The following PDE8B variants were observed in gnomAD, a reference collection of about 807,000 sequenced individuals.
PDE8B encodes the protein high affinity cAMP-specific and IBMX-insensitive 3',5'-cyclic phosphodiesterase 8B.
PDE8B carries 26 observed loss-of-function variants against 101.3 expected under a neutral mutation model. That is an observed-to-expected ratio of 0.26 (90% CI 0.19 to 0.36). PDE8B has a LOEUF of 0.36. Among genes scored for constraint, PDE8B ranks in the 10% least tolerant of loss-of-function variants. The pLI is 1.00. For missense variants in PDE8B, 810 were observed against 1,163.1 expected, an observed-to-expected ratio of 0.70 and a Z score of 4.42; for synonymous variants, 424 against 429.3, an observed-to-expected ratio of 0.99 and a Z score of 0.15.
the PDE8B span, among the ~76,000 whole-genome samples, chr5:77,199,139 T>G: frequency 0.03 from 4,634 of 152,264 alleles, 252 homozygotes; most frequent in African/African-American, 0.1. Context: ...TTCTTAAAAG[T>G]GAGAATTACT....
intron 6 of PDE8B, among the ~76,000 whole-genome samples, chr5:77,339,517 G>A (rs1271741547): frequency 6.6e-6 from 1 of 152,014 alleles, no homozygotes; most frequent in Non-Finnish European, 1.5e-5. Context: ...CAGCAGATAG[G>A]GGCAGTGACT....
intron 2 of PDE8B, among the ~76,000 whole-genome samples, chr5:77,324,585 C>T (rs986290191): frequency 2.6e-5 from 4 of 152,308 alleles, no homozygotes; most frequent in Non-Finnish European, 5.9e-5. Context: ...CTCAATGAGG[C>T]AGTTCATCAA....
intron 10 of PDE8B, among the ~76,000 whole-genome samples, chr5:77,383,394 C>T (rs1787905859): frequency 1.3e-5 from 2 of 152,152 alleles, no homozygotes; most frequent in Admixed American, 1.3e-4. Context: ...GTTGCCTGTT[C>T]ACTCTGATGG....
At chr5:77,398,687 G>T (rs573671663) in intron 10 of PDE8B, among the ~76,000 whole-genome samples, 3 of 152,338 alleles carry the variant, frequency 2.0e-5, no homozygotes, top group Admixed American at 6.5e-5. Context: ...TACCGCACTG[G>T]CTGCCTGCTG....
At chr5:77,354,095 T>G (rs1581202161) in intron 10 of PDE8B, among the ~76,000 whole-genome samples, 1 of 152,234 alleles carries the variant, frequency 6.6e-6, no homozygotes, top group African/African-American at 2.4e-5. Context: ...ATGAGGATTT[T>G]AAAGAGGGAC....
the PDE8B span, among the ~76,000 whole-genome samples, chr5:77,185,277 A>C: frequency 6.6e-6 from 1 of 152,180 alleles, no homozygotes; most frequent in African/African-American, 2.4e-5. Context: ...ACCGAGATTG[A>C]CTTCTTTATA....
At chr5:77,118,551 C>T in the PDE8B span, 1 of 395,036 alleles carries the variant, frequency 2.5e-6, no homozygotes, top group Admixed American at 4.4e-5. Context: ...CTTTCTAAGC[C>T]ATTTCTCTGC....
chr5:77,285,770 T>A (rs140310046), intron 1 of PDE8B, among the ~76,000 whole-genome samples: 1 of 149,098 alleles, frequency 6.7e-6, no homozygotes, highest in African/African-American at 2.5e-5. Flanking sequence ...TAGGTCTCTG[T>A]TTATTTTTTT....
chr5:77,266,572 T>C (rs1761751217), intron 1 of PDE8B, among the ~76,000 whole-genome samples: 1 of 152,198 alleles, frequency 6.6e-6, no homozygotes, highest in South Asian at 2.1e-4. Flanking sequence ...ACTATATATA[T>C]TTAATGTGGC....
At chr5:77,167,502 C>T in the PDE8B span, among the ~76,000 whole-genome samples, 1 of 152,184 alleles carries the variant, frequency 6.6e-6, no homozygotes, top group South Asian at 2.1e-4. Flanking sequence ...AATCAAGACA[C>T]CCTGGCCGAT....
intron 1 of PDE8B, among the ~76,000 whole-genome samples, chr5:77,249,238 T>C (rs1479773563): frequency 6.6e-6 from 1 of 152,236 alleles, no homozygotes; most frequent in African/African-American, 2.4e-5. Context: ...GATCCATATT[T>C]TTACAATACG....
chr5:77,374,802 C>T (rs141362777), intron 10 of PDE8B, among the ~76,000 whole-genome samples: 3 of 152,324 alleles, frequency 2.0e-5, no homozygotes, highest in Non-Finnish European at 2.9e-5. Context: ...CACTGAAGAT[C>T]GGTGAGAAGG....
intron 1 of PDE8B, among the ~76,000 whole-genome samples, chr5:77,279,986 G>C (rs558740009): frequency 3.3e-5 from 5 of 152,320 alleles, no homozygotes; most frequent in South Asian, 4.1e-4. Flanking sequence ...CTGGATTATA[G>C]ATAGCAGTGT....
chr5:77,131,566 T>A, the PDE8B span, among the ~76,000 whole-genome samples: 2 of 152,316 alleles, frequency 1.3e-5, no homozygotes, highest in Non-Finnish European at 2.9e-5. Context: ...ATTCATCAAC[T>A]TGTCAAATAG....
rs560828043 is a variant in PDE8B at position 77,345,264 on chromosome 5, T to G, written c.876+333T>G. ...TCAGTATAATTTCTGCCTCTCAGGT[T>G]CAAGTGATTCTTGTGCCTCTAAGTA... On this transcript the variant is annotated intron_variant, in intron 7 of 21. Transcript: ENST00000264917. 7.2e-5 allele frequency among the ~76,000 whole-genome samples: 11 copies of G among 152,324 alleles called. No individual in the cohort carries two copies. In the South Asian group the frequency reaches 2.3e-3, roughly 32 times the overall value.
At chr5:77,392,310 G>A (rs567952473) in intron 10 of PDE8B, among the ~76,000 whole-genome samples, 5 of 152,268 alleles carry the variant, frequency 3.3e-5, no homozygotes, top group African/African-American at 1.2e-4. Flanking sequence ...AAGCTGAGAG[G>A]CCAAAGAAAG....
chr5:77,097,726 TATATATAC>T, the PDE8B span, among the ~76,000 whole-genome samples: 1 of 58,898 alleles, frequency 1.7e-5, no homozygotes, highest in South Asian at 5.9e-4. Context: ...TATATATATA[TATATATAC>T]ATACATATGA....
the PDE8B span, among the ~76,000 whole-genome samples, chr5:77,101,408 G>T: frequency 3.3e-5 from 5 of 152,114 alleles, no homozygotes; most frequent in Admixed American, 1.3e-4. Context: ...GTTGCTTTTG[G>T]TGTTGGCTGG....
At chr5:77,148,013 A>T in the PDE8B span, 1 of 152,210 alleles carries the variant, frequency 6.6e-6, no homozygotes, top group Non-Finnish European at 1.5e-5. Context: ...GCAAGCCCAG[A>T]TGCTGCTTCA....
Sources: allele counts gnomAD v4.1 joint callset (sites outside exome capture counted in the v4.1 genomes callset), GRCh38; gene constraint gnomAD v4.1.1; transcripts MANE v1.5; gene names NCBI Gene and HGNC (gene_info 2026-07-23, HGNC 2026-07-21).